SLC44A1: variants seen among roughly 807,000 people sequenced by gnomAD.
The protein encoded by SLC44A1 is choline transporter-like protein 1.
SLC44A1 carries 26 observed loss-of-function variants against 79.3 expected under a neutral mutation model. That is an observed-to-expected ratio of 0.33 (90% CI 0.24 to 0.46). The LOEUF (loss-of-function observed/expected upper bound fraction) is 0.46. Ranked by LOEUF, SLC44A1 falls within the 20% of genes least tolerant of loss-of-function variation. The probability of loss-of-function intolerance (pLI) is 1.00; values close to 1 mark genes in which losing one functional copy is unlikely to be tolerated. For missense variants in SLC44A1, 688 were observed against 798.1 expected, an observed-to-expected ratio of 0.86 and a Z score of 1.66; for synonymous variants, 263 against 286.2, an observed-to-expected ratio of 0.92 and a Z score of 0.82.
intron 1 of SLC44A1, among the ~76,000 whole-genome samples, chr9:105,252,141 A>G (rs1043430617): frequency 1.3e-5 from 2 of 152,216 alleles, no homozygotes; most frequent in African/African-American, 4.8e-5. Flanking sequence ...TTACTTGTCT[A>G]TAGCTGCTTT....
chr9:105,437,115 G>A (rs951104067), intron 15 of SLC44A1, among the ~76,000 whole-genome samples: 1 of 152,032 alleles, frequency 6.6e-6, no homozygotes, highest in Non-Finnish European at 1.5e-5. Context: ...CCATCCTAAT[G>A]GGGCTTTTTT....
intron 4 of SLC44A1, among the ~76,000 whole-genome samples, chr9:105,338,297 A>G (rs1826983987): frequency 7.0e-6 from 1 of 142,852 alleles, no homozygotes; most frequent in African/African-American, 3.0e-5. Flanking sequence ...TGGTGACTTA[A>G]AACTAGACCT....
rs760200296 is a variant in SLC44A1, at chr9:105,335,686, T to G, written c.393T>G (p.Phe131Leu). Residue 131 changes from phenylalanine to leucine, a missense_variant, in exon 4 of 16, where the codon TTT becomes TTG. Phe to Leu is a conservative substitution (Grantham distance 22). Transcript: ENST00000374720. ...AAACTCTGAGTGATGTTCAGAAGTTTGCAGAGATAAATGGTGAGACATTAG... is the reference window on the plus strand; with the variant it reads ...AAACTCTGAGTGATGTTCAGAAGTTGGCAGAGATAAATGGTGAGACATTAG... ...ELKTLSDVQK[F>L]AEINGSALCS... 5 of 1,613,040 alleles carry G rather than the reference T, an allele frequency of 3.1e-6. No individual in the cohort carries two copies. Among genetic ancestry groups the G allele is most frequent in the Non-Finnish European group, 3.4e-6 (4 of 1,179,454 alleles).
intron 15 of SLC44A1, among the ~76,000 whole-genome samples, chr9:105,415,452 G>A (rs902120566): frequency 5.9e-5 from 9 of 152,228 alleles, no homozygotes; most frequent in African/African-American, 2.2e-4. Flanking sequence ...CTATGGACAC[G>A]CATGCTGTTC....
rs749586049 is a variant in SLC44A1 at position 105,361,177 on chromosome 9, T to C, written c.761-14T>C. 1 of 1,613,340 alleles carries C rather than the reference T, an allele frequency of 6.2e-7. No individual in the cohort carries two copies. The highest frequency in any genetic ancestry group is 1.7e-5 in the Admixed American group (1 of 60,022). On this transcript the variant is annotated splice_polypyrimidine_tract_variant and intron_variant, in intron 7 of 15. Coordinates refer to ENST00000374720, the MANE Select transcript of SLC44A1 (RefSeq NM_080546.5). Reference sequence around the variant, plus strand: ...CCTAATTATTGCATTAACAGTTGGGTCTTTTGTCTCCAGGAGGCACAGGTG... The same window carrying C: ...CCTAATTATTGCATTAACAGTTGGGCCTTTTGTCTCCAGGAGGCACAGGTG...
intron 1 of SLC44A1, among the ~76,000 whole-genome samples, chr9:105,282,696 GC>G (rs2131256741): frequency 6.6e-6 from 1 of 152,114 alleles, no homozygotes. Flanking sequence ...TTACAGGCGT[GC>G]GCCACCATGC....
intron 15 of SLC44A1, among the ~76,000 whole-genome samples, chr9:105,427,928 T>C (rs10121690): frequency 0.025 from 3,791 of 152,282 alleles, 137 homozygotes; most frequent in African/African-American, 0.086. Flanking sequence ...TATTAGTCCT[T>C]TATGTTTCCT....
At chr9:105,438,267 ATG>A (rs1564063597) in intron 15 of SLC44A1, 1 of 1,549,476 alleles carries the variant, frequency 6.5e-7, no homozygotes, top group Admixed American at 2.0e-5. Flanking sequence ...CATTTTCTTG[ATG>A]TGTTTTTTCA....
At chr9:105,255,896 A>G (rs917689382) in intron 1 of SLC44A1, among the ~76,000 whole-genome samples, 10 of 152,258 alleles carry the variant, frequency 6.6e-5, no homozygotes, top group African/African-American at 2.2e-4. Flanking sequence ...TCATGAATGT[A>G]TCTCAGAAAT....
intron 15 of SLC44A1, among the ~76,000 whole-genome samples, chr9:105,416,116 A>G (rs1829167594): frequency 1.3e-5 from 2 of 151,834 alleles, no homozygotes; most frequent in South Asian, 4.1e-4. Context: ...AGGCTGGTCT[A>G]GAACTCCTGA....
chr9:105,272,759 A>C (rs771541997), intron 1 of SLC44A1, among the ~76,000 whole-genome samples: 71 of 152,118 alleles, frequency 4.7e-4, no homozygotes, highest in Non-Finnish European at 7.8e-4. Flanking sequence ...TGGTCAGTTG[A>C]AAAAATTCAA....
chr9:105,319,087 G>A (rs948094088), intron 3 of SLC44A1, among the ~76,000 whole-genome samples: 18 of 152,138 alleles, frequency 1.2e-4, no homozygotes, highest in Admixed American at 1.0e-3. Flanking sequence ...TGGCAATCAA[G>A]TGGGTTTGCC....
intron 1 of SLC44A1, among the ~76,000 whole-genome samples, chr9:105,256,171 C>T (rs1564399046): frequency 6.6e-6 from 1 of 151,920 alleles, no homozygotes; most frequent in Non-Finnish European, 1.5e-5. Flanking sequence ...TACCACCATG[C>T]CTGCTAATTT....
At chr9:105,438,130 C>CTGTGTGTGTGTGTGTGTGTGTGTG (rs147203232) in intron 15 of SLC44A1, 140 of 496,190 alleles carry the variant, frequency 2.8e-4, no homozygotes, top group African/African-American at 2.6e-3. Flanking sequence ...ATTTGTTAAT[C>CTGTGTGTGTGTGTGTGTGTGTGTG]TGTGTGTGTG....
chr9:105,428,298 C>T (rs1283013914), intron 15 of SLC44A1, among the ~76,000 whole-genome samples: 1 of 151,680 alleles, frequency 6.6e-6, no homozygotes, highest in Admixed American at 6.6e-5. Flanking sequence ...TAATGGTTTC[C>T]TTTCACTTTT....
chr9:105,278,627 C>T (rs936750309), intron 1 of SLC44A1, among the ~76,000 whole-genome samples: 6 of 151,772 alleles, frequency 4.0e-5, no homozygotes, highest in Non-Finnish European at 7.4e-5. Flanking sequence ...ATGATGTACC[C>T]GCTTCGGCCT....
chr9:105,326,709 G>A (rs1826588455), intron 3 of SLC44A1, among the ~76,000 whole-genome samples: 1 of 152,164 alleles, frequency 6.6e-6, no homozygotes, highest in South Asian at 2.1e-4. Flanking sequence ...ATTTCTGGAG[G>A]CTCACAGATT....
intron 1 of SLC44A1, among the ~76,000 whole-genome samples, chr9:105,268,688 C>T (rs1161224731): frequency 6.6e-6 from 1 of 151,986 alleles, no homozygotes; most frequent in Non-Finnish European, 1.5e-5. Context: ...TTAGTAGAGA[C>T]AAGGTTTCAC....
intron 1 of SLC44A1, among the ~76,000 whole-genome samples, chr9:105,268,070 T>C (rs1830000423): frequency 6.6e-6 from 1 of 152,164 alleles, no homozygotes; most frequent in Non-Finnish European, 1.5e-5. Flanking sequence ...AAACTTCCAC[T>C]TCATCCTTTT....
Sources: allele counts gnomAD v4.1 joint callset (sites outside exome capture counted in the v4.1 genomes callset), GRCh38; gene constraint gnomAD v4.1.1; transcripts MANE v1.5; gene names NCBI Gene and HGNC (gene_info 2026-07-23, HGNC 2026-07-21).